The following TMTC2 variants were observed in gnomAD, a reference collection of about 807,000 sequenced individuals.
TMTC2 encodes the protein protein O-mannosyl-transferase TMTC2.
TMTC2 carries 43 observed loss-of-function variants against 82.4 expected under a neutral mutation model. The ratio of observed to expected loss-of-function variants is 0.52; its 90% confidence interval spans 0.41 to 0.67. The LOEUF (loss-of-function observed/expected upper bound fraction) is 0.67. TMTC2 is among the 30% of genes least tolerant of loss of function. The pLI is 0.00. For missense variants in TMTC2, 919 were observed against 1,012.4 expected, an observed-to-expected ratio of 0.91 and a Z score of 1.25; for synonymous variants, 408 against 381.9, an observed-to-expected ratio of 1.07 and a Z score of -0.80.
chr12:82,844,950 G>C (rs909808275), intron 1 of TMTC2, among the ~76,000 whole-genome samples: 21 of 151,466 alleles, frequency 1.4e-4, no homozygotes, highest in Non-Finnish European at 7.4e-5. Context: ...GTAAGGGGCC[G>C]GGTGCGGTGG....
chr12:82,795,771 G>GC (rs1878689741), intron 1 of TMTC2, among the ~76,000 whole-genome samples: 1 of 152,128 alleles, frequency 6.6e-6, no homozygotes, highest in South Asian at 2.1e-4. Flanking sequence ...GCAGAGAGCA[G>GC]CCCTCACCAG....
At chr12:82,776,926 C>T (rs771615776) in intron 1 of TMTC2, among the ~76,000 whole-genome samples, 37 of 152,076 alleles carry the variant, frequency 2.4e-4, no homozygotes, top group African/African-American at 8.9e-4. Flanking sequence ...TGACACAGAC[C>T]CCATCTCTAA....
intron 11 of TMTC2, among the ~76,000 whole-genome samples, chr12:83,119,639 G>A (rs897635936): frequency 6.6e-6 from 1 of 152,170 alleles, no homozygotes; most frequent in African/African-American, 2.4e-5. Context: ...GGAATGTTCT[G>A]TATATATCTG....
intron 1 of TMTC2, among the ~76,000 whole-genome samples, chr12:82,817,235 C>A (rs893950333): frequency 6.6e-6 from 1 of 152,052 alleles, no homozygotes; most frequent in Non-Finnish European, 1.5e-5. Flanking sequence ...TGCCAAAGTG[C>A]TGGGATTACA....
At chr12:82,713,426 C>T (rs1873739273) in intron 1 of TMTC2, among the ~76,000 whole-genome samples, 1 of 151,846 alleles carries the variant, frequency 6.6e-6, no homozygotes, top group Non-Finnish European at 1.5e-5. Flanking sequence ...TAAAGATGTA[C>T]CAGAGACTGG....
At chr12:82,771,141 A>G (rs552412013) in intron 1 of TMTC2, among the ~76,000 whole-genome samples, 72 of 151,126 alleles carry the variant, frequency 4.8e-4, no homozygotes, top group African/African-American at 1.7e-3. Flanking sequence ...TTGGAGGCAG[A>G]GATTGCAGTG....
At chr12:82,728,134 G>A (rs1874559171) in intron 1 of TMTC2, among the ~76,000 whole-genome samples, 1 of 151,912 alleles carries the variant, frequency 6.6e-6, no homozygotes, top group African/African-American at 2.4e-5. Context: ...AGCTGGGAAT[G>A]GCAGGCCCCA....
chr12:82,802,823 T>A (rs1156285531), intron 1 of TMTC2, among the ~76,000 whole-genome samples: 1 of 152,142 alleles, frequency 6.6e-6, no homozygotes, highest in East Asian at 1.9e-4. Context: ...GAGTAACTCC[T>A]TTGAACAGGC....
rs58906003 is a variant in TMTC2, at chr12:82,712,429, CAAAAAAA to C, written c.83+24775_83+24781del. Among the ~76,000 whole-genome samples the C allele has an allele frequency of 4.0e-3, 290 of 71,716 alleles. 2 individuals are homozygous for C. Among genetic ancestry groups the C allele is most frequent in the African/African-American group, 0.014 (272 of 19,024 alleles). The allele number at this position is 71,716 out of a possible 152,430, so 47.0% of individuals were successfully genotyped here. On this transcript the variant is annotated intron_variant, in intron 1 of 11. Transcript: ENST00000321196. ...TGGGCAGAAGAGTGAAACTCCGTCT[CAAAAAAA>C]AAAAAAAAAAAAAAGCCACCTCACA... is the stretch of plus-strand genomic sequence containing the variant.
chr12:82,997,873 A>G (rs1051016889), intron 8 of TMTC2, among the ~76,000 whole-genome samples: 3 of 152,128 alleles, frequency 2.0e-5, no homozygotes, highest in South Asian at 2.1e-4. Flanking sequence ...AAAGGCTCTG[A>G]AAGTCTTCTT....
chr12:82,735,496 C>T (rs1027176544), intron 1 of TMTC2, among the ~76,000 whole-genome samples: 2 of 151,886 alleles, frequency 1.3e-5, no homozygotes, highest in Non-Finnish European at 2.9e-5. Context: ...CAGGCGCCCG[C>T]CACCACGCCC....
chr12:82,820,961 C>A (rs1026586240), intron 1 of TMTC2, among the ~76,000 whole-genome samples: 2 of 151,942 alleles, frequency 1.3e-5, no homozygotes, highest in African/African-American at 4.8e-5. Context: ...TAGGCTCAAG[C>A]GATCTTCCTG....
chr12:83,120,482 C>T (rs12320256), intron 11 of TMTC2, among the ~76,000 whole-genome samples: 9,958 of 152,236 alleles, frequency 0.065, 519 homozygotes, highest in African/African-American at 0.13. Context: ...GCTAGGGCCC[C>T]AAGCCCTTCT....
intron 11 of TMTC2, among the ~76,000 whole-genome samples, chr12:83,072,199 G>C (rs1379740496): frequency 6.6e-6 from 1 of 151,910 alleles, no homozygotes; most frequent in East Asian, 1.9e-4. Context: ...GGTTTTGATA[G>C]GTTGTCATTA....
intron 11 of TMTC2, among the ~76,000 whole-genome samples, chr12:83,109,723 C>G (rs894778337): frequency 6.6e-6 from 1 of 152,170 alleles, no homozygotes; most frequent in Non-Finnish European, 1.5e-5. Context: ...TATAATTGCT[C>G]TCTTACCTAT....
intron 1 of TMTC2, among the ~76,000 whole-genome samples, chr12:82,832,008 G>C (rs78464444): frequency 0.012 from 1,876 of 152,256 alleles, 39 homozygotes; most frequent in African/African-American, 0.043. Context: ...CTCATGGCTA[G>C]GTCTTGCCTT....
rs202176724 is a variant in TMTC2 at position 82,857,120 on chromosome 12, A to T, written c.194A>T (p.Tyr65Phe). 6.6e-5 allele frequency: 107 copies of T among 1,614,028 alleles called. No individual in the cohort carries two copies. The highest frequency in any genetic ancestry group is 8.6e-5 in the Non-Finnish European group (102 of 1,180,052). Residue 65 changes from tyrosine to phenylalanine, a missense_variant, in exon 2 of 12, where the codon TAC becomes TTC. Tyr to Phe is a conservative substitution (Grantham distance 22). Transcript: ENST00000321196. ...LLTHSGSHKS[Y>F]RPLCTLSFRL... ...ACCCACAGTGGCAGCCACAAGTCCTACCGGCCACTCTGCACTCTTTCTTTT... is the reference window on the plus strand; with the variant it reads ...ACCCACAGTGGCAGCCACAAGTCCTTCCGGCCACTCTGCACTCTTTCTTTT...
intron 8 of TMTC2, among the ~76,000 whole-genome samples, chr12:83,026,823 C>A (rs532198510): frequency 8.6e-4 from 130 of 151,298 alleles, no homozygotes; most frequent in African/African-American, 3.0e-3. Context: ...ATGCTGCTTG[C>A]CTTGTACATC....
At chr12:83,007,401 A>G (rs1252620250) in intron 8 of TMTC2, among the ~76,000 whole-genome samples, 2 of 151,986 alleles carry the variant, frequency 1.3e-5, no homozygotes, top group East Asian at 3.9e-4. Context: ...TTGAGCATTT[A>G]ATATGATTTT....
Sources: allele counts gnomAD v4.1 joint callset (sites outside exome capture counted in the v4.1 genomes callset), GRCh38; gene constraint gnomAD v4.1.1; transcripts MANE v1.5; gene names NCBI Gene and HGNC (gene_info 2026-07-23, HGNC 2026-07-21).